The following SNCAIP variants were observed in gnomAD, a reference collection of about 807,000 sequenced individuals.
The protein encoded by SNCAIP is synphilin-1.
Under a neutral mutation model 86.7 loss-of-function variants are expected in SNCAIP, and 43 were observed. The ratio of observed to expected loss-of-function variants is 0.50; its 90% CI spans 0.39 to 0.64. SNCAIP has a LOEUF of 0.64. Among genes scored for constraint, SNCAIP ranks in the 30% least tolerant of loss-of-function variants. The pLI, the probability that SNCAIP is intolerant of heterozygous loss-of-function variation, is 0.00. For missense variants in SNCAIP, 981 were observed against 1,103.1 expected (o/e 0.89, Z 1.57); for synonymous variants, 417 against 427.2 (o/e 0.98, Z 0.29).
intron 1 of SNCAIP, among the ~76,000 whole-genome samples, chr5:122,348,522 T>C (rs1185660374): frequency 1.3e-5 from 2 of 152,152 alleles, no homozygotes; most frequent in Non-Finnish European, 2.9e-5. Context: ...TTCATCAGTT[T>C]GGGGCTGATT....
At chr5:122,417,214 T>C (rs1775485570) in intron 3 of SNCAIP, among the ~76,000 whole-genome samples, 1 of 152,198 alleles carries the variant, frequency 6.6e-6, no homozygotes, top group Non-Finnish European at 1.5e-5. Flanking sequence ...TTTATCAGTC[T>C]TAGGAGCCAA....
chr5:122,342,097 C>T (rs184913039), intron 1 of SNCAIP, among the ~76,000 whole-genome samples: 2 of 152,252 alleles, frequency 1.3e-5, no homozygotes, highest in African/African-American at 4.8e-5. Context: ...CCATCAGCTG[C>T]CCATTCTCTC....
intron 10 of SNCAIP, among the ~76,000 whole-genome samples, chr5:122,460,004 A>T (rs570722834): frequency 6.6e-6 from 1 of 152,342 alleles, no homozygotes; most frequent in South Asian, 2.1e-4. Flanking sequence ...TACTATAGAA[A>T]ATCAAAATGA....
intron 1 of SNCAIP, among the ~76,000 whole-genome samples, chr5:122,358,044 G>C (rs978987572): frequency 3.3e-5 from 5 of 152,036 alleles, no homozygotes; most frequent in Admixed American, 2.0e-4. Context: ...GAATGAACAA[G>C]AGCCTTATAT....
chr5:122,352,706 A>T (rs536512524), intron 1 of SNCAIP, among the ~76,000 whole-genome samples: 13 of 152,304 alleles, frequency 8.5e-5, no homozygotes, highest in Admixed American at 7.2e-4. Flanking sequence ...GCTCTAACCA[A>T]ACAATTCATT....
intron 2 of SNCAIP, among the ~76,000 whole-genome samples, chr5:122,397,701 G>A (rs1250646246): frequency 6.6e-6 from 1 of 151,968 alleles, no homozygotes; most frequent in African/African-American, 2.4e-5. Context: ...CTATGTAGAG[G>A]TGGTGGTTGA....
chr5:122,345,296 A>G (rs1258749195), intron 1 of SNCAIP, among the ~76,000 whole-genome samples: 1 of 152,172 alleles, frequency 6.6e-6, no homozygotes, highest in Non-Finnish European at 1.5e-5. Flanking sequence ...CAAAGAACCT[A>G]TTTCTTACTT....
intron 10 of SNCAIP, among the ~76,000 whole-genome samples, chr5:122,460,843 T>C (rs965380547): frequency 1.3e-5 from 2 of 152,154 alleles, no homozygotes; most frequent in Admixed American, 6.5e-5. Flanking sequence ...TCAGTTACTC[T>C]CTGTTCATGG....
chr5:122,408,702 GA>G (rs1374811924), intron 3 of SNCAIP, among the ~76,000 whole-genome samples: 1 of 152,162 alleles, frequency 6.6e-6, no homozygotes. Flanking sequence ...AGGTGGGAAG[GA>G]AGCAAAAAAC....
intron 3 of SNCAIP, among the ~76,000 whole-genome samples, chr5:122,408,406 C>A (rs933736853): frequency 6.6e-6 from 1 of 152,102 alleles, no homozygotes; most frequent in African/African-American, 2.4e-5. Flanking sequence ...TTCATCCCTG[C>A]GGCTTTAGTG....
At chr5:122,372,166 A>G (rs1561603050) in intron 1 of SNCAIP, among the ~76,000 whole-genome samples, 1 of 152,176 alleles carries the variant, frequency 6.6e-6, no homozygotes, top group Non-Finnish European at 1.5e-5. Context: ...GATCAATACC[A>G]AATACTGATC....
At chr5:122,454,868 C>T (rs901307777) in intron 10 of SNCAIP, among the ~76,000 whole-genome samples, 3 of 152,128 alleles carry the variant, frequency 2.0e-5, no homozygotes, top group African/African-American at 7.2e-5. Context: ...AGAAAGGGAA[C>T]AAAGCTGAGA....
intron 1 of SNCAIP, among the ~76,000 whole-genome samples, chr5:122,386,853 C>G (rs1047701351): frequency 2.6e-5 from 4 of 152,164 alleles, no homozygotes; most frequent in African/African-American, 4.8e-5. Context: ...CATAACATAC[C>G]TGCCTAAATA....
chr5:122,444,623 C>G lies in SNCAIP; in HGVS notation c.1483C>G (p.Gln495Glu). The stretch of plus-strand genomic sequence containing the variant: ...GAACCACGCTGGGGAAAAGCCCTCC[C>G]AGAGCGCCGAGCGGCAGGGGCACAC... ...MQNHAGEKPSQSAERQGHTLC... is the reference protein window; with the variant it reads ...MQNHAGEKPSESAERQGHTLC... Residue 495 changes from glutamine (Q) to glutamate (E), a missense_variant, in exon 8 of 11, where the codon CAG (glutamine) becomes GAG (glutamate). Transcript: ENST00000261368. 1 of 1,614,100 alleles carries G rather than the reference C, an allele frequency of 6.2e-7. No individual in the cohort carries two copies. The highest frequency in any genetic ancestry group is 2.2e-5 in the East Asian group (1 of 44,882).
At chr5:122,316,267 G>C (rs1751701702) in intron 1 of SNCAIP, among the ~76,000 whole-genome samples, 1 of 152,164 alleles carries the variant, frequency 6.6e-6, no homozygotes, top group Admixed American at 6.5e-5. Context: ...CAGGATGGAA[G>C]GTCTACTCTT....
intron 3 of SNCAIP, 120 bp downstream of exon 3, chr5:122,403,985 T>C: frequency 4.0e-6 from 3 of 749,948 alleles, no homozygotes; most frequent in Non-Finnish European, 7.1e-6. Context: ...TTACGGCTTC[T>C]CCACTCACAC....
intron 1 of SNCAIP, among the ~76,000 whole-genome samples, chr5:122,323,059 G>C (rs545880346): frequency 6.6e-6 from 1 of 152,118 alleles, no homozygotes; most frequent in African/African-American, 2.4e-5. Flanking sequence ...GTGGTGAAAG[G>C]TTTAAAAGAA....
In SNCAIP at chr5:122,448,413, A is replaced by G. The variant is rs941322820; in HGVS notation, c.1593-1432A>G. 3.3e-5 allele frequency among the ~76,000 whole-genome samples: 5 copies of G among 151,836 alleles called. No individual in the cohort carries two copies. The South Asian group carries it at 8.3e-4, about 25-fold the overall frequency. On this transcript the variant is annotated intron_variant, in intron 8 of 10. Coordinates refer to ENST00000261368, the MANE Select transcript of SNCAIP (RefSeq NM_005460.4). ...CTACTTGGGAAGCTGAGGAGGGAGC[A>G]TCACTTGAGCCAGGGGTTCAAGTCC...
At chr5:122,351,559 A>AAAAAAAAAAAAAAAAAAAAAAAAAC (rs1759832229) in intron 1 of SNCAIP, among the ~76,000 whole-genome samples, 1 of 148,834 alleles carries the variant, frequency 6.7e-6, no homozygotes, top group Non-Finnish European at 1.5e-5. Context: ...AAAAAAAAAA[A>AAAAAAAAAAAAAAAAAAAAAAAAAC]AAAAAAAGAA....
Sources: allele counts gnomAD v4.1 joint callset (sites outside exome capture counted in the v4.1 genomes callset), GRCh38; gene constraint gnomAD v4.1.1; transcripts MANE v1.5; gene names NCBI Gene and HGNC (gene_info 2026-07-23, HGNC 2026-07-21).